Variants in CSMD1 observed in about 807,000 individuals in gnomAD.
The protein encoded by CSMD1 is CUB and sushi domain-containing protein 1.
In CSMD1, 213 loss-of-function variants were observed where a neutral mutation model predicts 417.5. The ratio of observed to expected loss-of-function variants is 0.51; its 90% confidence interval spans 0.46 to 0.57. The LOEUF (loss-of-function observed/expected upper bound fraction) is 0.57, where lower values mean the gene tolerates loss of function less well. Ranked by LOEUF, CSMD1 falls within the 20% of genes least tolerant of loss-of-function variation. The pLI, the probability that CSMD1 is intolerant of heterozygous loss-of-function variation, is 0.00. For synonymous variants in CSMD1, 2,862 were observed against 1,736.8 expected (o/e 1.65, Z -16.11); for missense variants, 6,923 against 4,529.7 (o/e 1.53, Z -15.17).
At chr8:3,962,903 G>A (rs1453480186) in intron 5 of CSMD1, among the ~76,000 whole-genome samples, 1 of 152,100 alleles carries the variant, frequency 6.6e-6, no homozygotes, top group Admixed American at 6.5e-5. Context: ...TTATCATTAT[G>A]TCTATTTTTT....
rs115358963 is a variant in CSMD1, at chr8:3,460,291, G to A, written c.1561+8421C>T. The stretch of plus-strand genomic sequence containing the variant: ...GGGAGATACGTGTGCAAAGGTAAAA[G>A]AGAGGAAAAAAGGAAGATTTGAAGA... On this transcript the variant is annotated intron_variant, in intron 12 of 69. Coordinates refer to ENST00000635120, the MANE Select transcript of CSMD1 (RefSeq NM_033225.6). Among the ~76,000 whole-genome samples the A allele has an allele frequency of 8.4e-3, 1,278 of 152,220 alleles. 16 individuals are homozygous for A. Among genetic ancestry groups the A allele is most frequent in the African/African-American group, 0.029 (1,214 of 41,554 alleles).
chr8:4,575,464 T>C (rs1799093771), intron 2 of CSMD1, among the ~76,000 whole-genome samples: 1 of 152,194 alleles, frequency 6.6e-6, no homozygotes, highest in South Asian at 2.1e-4. Context: ...CATTAATTTC[T>C]CTGAACGTTA....
chr8:3,506,532 G>A (rs978226812), intron 10 of CSMD1, among the ~76,000 whole-genome samples: 1 of 152,170 alleles, frequency 6.6e-6, no homozygotes, highest in Non-Finnish European at 1.5e-5. Context: ...CAGTTACACA[G>A]ATACTTTACG....
intron 3 of CSMD1, among the ~76,000 whole-genome samples, chr8:4,348,746 G>T (rs936542156): frequency 2.6e-5 from 4 of 152,102 alleles, no homozygotes; most frequent in Admixed American, 6.6e-5. Flanking sequence ...AAGACCGTGA[G>T]TTAAAATTGT....
At chr8:4,744,567 A>T (rs1810828318) in intron 1 of CSMD1, among the ~76,000 whole-genome samples, 2 of 152,198 alleles carry the variant, frequency 1.3e-5, no homozygotes, top group South Asian at 4.1e-4. Context: ...ATGATTTACA[A>T]TTCACACAAA....
intron 2 of CSMD1, among the ~76,000 whole-genome samples, chr8:4,537,739 C>T (rs779185816): frequency 7.2e-5 from 11 of 152,172 alleles, no homozygotes; most frequent in Non-Finnish European, 1.0e-4. Context: ...CACGGGAATA[C>T]GCAGTGGAAG....
chr8:4,326,772 C>A (rs888095925), intron 3 of CSMD1, among the ~76,000 whole-genome samples: 2 of 151,674 alleles, frequency 1.3e-5, no homozygotes, highest in Non-Finnish European at 2.9e-5. Context: ...AGATGAGGTA[C>A]GCAGAAATGG....
chr8:3,841,094 T>TA (rs999982011), intron 5 of CSMD1, among the ~76,000 whole-genome samples: 2 of 152,070 alleles, frequency 1.3e-5, no homozygotes, highest in African/African-American at 4.8e-5. Flanking sequence ...AATCAAGTAT[T>TA]AAATAGAACT....
At chr8:3,513,211 T>C (rs1482257369) in intron 10 of CSMD1, among the ~76,000 whole-genome samples, 1 of 152,168 alleles carries the variant, frequency 6.6e-6, no homozygotes, top group Non-Finnish European at 1.5e-5. Context: ...AGTTACATAC[T>C]AATCCTCCAA....
chr8:4,047,518 G>GTCATTCAT (rs146701323), intron 3 of CSMD1, among the ~76,000 whole-genome samples: 39 of 41,004 alleles, frequency 9.5e-4, no homozygotes, highest in Non-Finnish European at 6.4e-4. Context: ...ATTGTGATAT[G>GTCATTCAT]TCATTCATTC....
intron 12 of CSMD1, among the ~76,000 whole-genome samples, chr8:3,464,602 A>C (rs140944891): frequency 6.7e-6 from 1 of 149,700 alleles, no homozygotes; most frequent in African/African-American, 2.4e-5. Flanking sequence ...ATGATTTTTA[A>C]GTATATAAAT....
intron 26 of CSMD1, among the ~76,000 whole-genome samples, chr8:3,267,212 G>T (rs1327919162): frequency 6.6e-6 from 1 of 152,148 alleles, no homozygotes; most frequent in Non-Finnish European, 1.5e-5. Context: ...GGTAACAGGA[G>T]TGAGAAACAG....
At chr8:4,509,634 G>A (rs1186811033) in intron 2 of CSMD1, among the ~76,000 whole-genome samples, 2 of 152,138 alleles carry the variant, frequency 1.3e-5, no homozygotes, top group Admixed American at 6.5e-5. Context: ...TTATCATCAA[G>A]TTCTTTGTGA....
chr8:3,525,169 G>T (rs950399310), intron 10 of CSMD1, among the ~76,000 whole-genome samples: 1 of 152,134 alleles, frequency 6.6e-6, no homozygotes, highest in African/African-American at 2.4e-5. Flanking sequence ...GGGTCTTCTT[G>T]TCTGTGTTCT....
intron 4 of CSMD1, among the ~76,000 whole-genome samples, chr8:4,020,954 G>T (rs773319277): frequency 1.1e-4 from 17 of 152,196 alleles, no homozygotes; most frequent in Admixed American, 5.9e-4. Flanking sequence ...TTGTGACGTG[G>T]ACTTTGATAT....
intron 1 of CSMD1, among the ~76,000 whole-genome samples, chr8:4,848,341 G>T (rs186266093): frequency 6.6e-6 from 1 of 152,170 alleles, no homozygotes; most frequent in Non-Finnish European, 1.5e-5. Context: ...TTTGGTCAAG[G>T]ATGGGCCACC....
intron 3 of CSMD1, among the ~76,000 whole-genome samples, chr8:4,040,742 A>G (rs1161191708): frequency 6.6e-6 from 1 of 152,190 alleles, no homozygotes; most frequent in African/African-American, 2.4e-5. Flanking sequence ...CAAAGTCAAA[A>G]ACAAGGTAAG....
intron 23 of CSMD1, among the ~76,000 whole-genome samples, chr8:3,322,878 C>G (rs1414995453): frequency 6.6e-6 from 1 of 152,162 alleles, no homozygotes; most frequent in Non-Finnish European, 1.5e-5. Context: ...ATGGCAAATG[C>G]CTGACTTAGG....
At chr8:4,590,375 C>G (rs562335210) in intron 2 of CSMD1, among the ~76,000 whole-genome samples, 8 of 152,234 alleles carry the variant, frequency 5.3e-5, no homozygotes, top group Non-Finnish European at 1.2e-4. Flanking sequence ...CATGCTCAAT[C>G]AACATGCGAA....
Sources: allele counts gnomAD v4.1 joint callset (sites outside exome capture counted in the v4.1 genomes callset), GRCh38; gene constraint gnomAD v4.1.1; transcripts MANE v1.5; gene names NCBI Gene and HGNC (gene_info 2026-07-23, HGNC 2026-07-21).